Variants in TRPC6 observed in about 807,000 individuals in gnomAD.
TRPC6 encodes short transient receptor potential channel 6.
In TRPC6, 55 loss-of-function variants were observed where a neutral mutation model predicts 90.7. That is an observed-to-expected ratio of 0.61 (90% CI 0.49 to 0.76). The LOEUF (loss-of-function observed/expected upper bound fraction) is 0.76, where lower values mean the gene tolerates loss of function less well. Among genes scored for constraint, TRPC6 ranks in the 30% least tolerant of loss-of-function variants. The pLI is 0.00. For synonymous variants in TRPC6, 393 were observed against 393.0 expected, an observed-to-expected ratio of 1.00 and a Z score of 0.00; for missense variants, 989 against 1,122.7, an observed-to-expected ratio of 0.88 and a Z score of 1.70.
At chr11:101,505,276 T>C (rs915724635) in intron 1 of TRPC6, among the ~76,000 whole-genome samples, 4 of 152,166 alleles carry the variant, frequency 2.6e-5, no homozygotes, top group African/African-American at 9.7e-5. Context: ...AGAAGGCCAA[T>C]AGTGAAAAAA....
In TRPC6 at chr11:101,583,478, G is replaced by C. The variant is rs1862251447; in HGVS notation, c.26C>G (p.Pro9Arg). 6.6e-7 allele frequency: 1 copy of C among 1,513,184 alleles called. No homozygotes were observed. The highest frequency in any genetic ancestry group is 1.4e-5 in the African/African-American group (1 of 70,666). The allele number at this position is 1,513,184 out of a possible 1,614,324, so 93.7% of individuals were successfully genotyped here. A position where few individuals can be genotyped will look rare whatever the true frequency, so the allele number is the denominator to read the frequency against. The change falls in exon 1 of 13, where the codon CCC (proline) becomes CGC (arginine). Residue 9 changes from proline to arginine, a missense_variant. Physicochemically the swap from Pro to Arg is moderately radical, Grantham distance 103. Around this residue, in one of 4 missense-constraint regions of TRPC6, gnomAD observed 194 missense variants for 136.5 expected, o/e 1.42. Coordinates refer to ENST00000344327, the MANE Select transcript of TRPC6 (RefSeq NM_004621.6). Reference protein sequence around the residue: MSQSPAFGPRRGSSPRGAA... With the variant: MSQSPAFGRRRGSSPRGAA... The stretch of plus-strand genomic sequence containing the variant: ...GCCCCGGGGAGAACTGCCCCTCCGG[G>C]GCCCGAACGCCGGGCTCTGGCTCAT...
intron 5 of TRPC6, among the ~76,000 whole-genome samples, chr11:101,480,793 A>G (rs1281888855): frequency 6.6e-6 from 1 of 152,212 alleles, no homozygotes; most frequent in Non-Finnish European, 1.5e-5. Flanking sequence ...AAAATAAACT[A>G]TGAGACATGG....
At chr11:101,574,500 T>C (rs1457877375) in intron 1 of TRPC6, among the ~76,000 whole-genome samples, 1 of 151,308 alleles carries the variant, frequency 6.6e-6, no homozygotes, top group East Asian at 1.9e-4. Flanking sequence ...TTGGTTACCC[T>C]AAAATGGTGC....
intron 10 of TRPC6, among the ~76,000 whole-genome samples, chr11:101,464,238 G>A (rs1401229235): frequency 6.6e-6 from 1 of 152,210 alleles, no homozygotes; most frequent in Non-Finnish European, 1.5e-5. Flanking sequence ...TAGAATAAGT[G>A]CAATGTGGTG....
intron 1 of TRPC6, among the ~76,000 whole-genome samples, chr11:101,513,081 G>T (rs1860434664): frequency 1.3e-5 from 2 of 152,210 alleles, no homozygotes; most frequent in East Asian, 3.9e-4. Flanking sequence ...ACAGTTACCA[G>T]AACAGGATAA....
chr11:101,583,405 G>C lies in TRPC6; in HGVS notation c.99C>G (p.Leu33=), dbSNP rs755271013. 1 of 1,585,784 alleles carries C rather than the reference G, an allele frequency of 6.3e-7. No individual in the cohort carries two copies. The highest frequency in any genetic ancestry group is 2.3e-5 in the East Asian group (1 of 43,058). ...CGTCTTCTCCCAGCTCCGAGTCCAT[G>C]AGCAGATAGTCCTGGCTCTCGTTGC... The part of the protein sequence containing the change: ...ARRNESQDYL[L]MDSELGEDGC... The change falls in exon 1 of 13, where the codon CTC becomes CTG. Residue 33 remains leucine (L), a synonymous_variant. Transcript: ENST00000344327.
At chr11:101,511,049 A>G (rs1400265292) in intron 1 of TRPC6, among the ~76,000 whole-genome samples, 1 of 152,180 alleles carries the variant, frequency 6.6e-6, no homozygotes, top group Non-Finnish European at 1.5e-5. Flanking sequence ...ATGTAGATTC[A>G]TCCTAGGAAA....
At chr11:101,468,826 A>T (rs902361823) in intron 10 of TRPC6, among the ~76,000 whole-genome samples, 3 of 152,168 alleles carry the variant, frequency 2.0e-5, no homozygotes, top group Admixed American at 6.5e-5. Flanking sequence ...TACCTGATAC[A>T]TTGCCCTTTT....
At chr11:101,467,674 T>C (rs1859181651) in intron 10 of TRPC6, among the ~76,000 whole-genome samples, 1 of 152,236 alleles carries the variant, frequency 6.6e-6, no homozygotes, top group Non-Finnish European at 1.5e-5. Flanking sequence ...GGTAGGCTTC[T>C]TCTGTAAAGA....
intron 2 of TRPC6, 145 bp downstream of exon 2, chr11:101,503,875 ATGAT>A (rs1181252391): frequency 3.2e-5 from 32 of 994,720 alleles, no homozygotes; most frequent in Middle Eastern, 2.6e-4. Flanking sequence ...TTTTGCTACA[ATGAT>A]TATAATAAAG....
intron 4 of TRPC6, among the ~76,000 whole-genome samples, chr11:101,484,607 G>C (rs1330443044): frequency 1.0e-5 from 1 of 98,876 alleles, no homozygotes; most frequent in Non-Finnish European, 2.0e-5. Flanking sequence ...GTGTGTGTGT[G>C]TGTGTGTGTG....
At chr11:101,476,580 T>C (rs1354407000) in intron 5 of TRPC6, 46 bp from the exon 6 acceptor site, 2 of 1,520,530 alleles carry the variant, frequency 1.3e-6, no homozygotes, top group Admixed American at 3.3e-5. Flanking sequence ...GCATTCAGCC[T>C]TAGCTGTTCT....
chr11:101,515,721 T>C (rs1860501592), intron 1 of TRPC6, among the ~76,000 whole-genome samples: 1 of 152,192 alleles, frequency 6.6e-6, no homozygotes. Flanking sequence ...TTATCCACCC[T>C]AAGTAAAAAT....
chr11:101,496,654 T>C (rs958755764), intron 2 of TRPC6, among the ~76,000 whole-genome samples: 3 of 152,218 alleles, frequency 2.0e-5, no homozygotes, highest in Non-Finnish European at 4.4e-5. Context: ...GGTTAGCTTT[T>C]ACTCTTCCCT....
At chr11:101,550,948 C>A (rs1861436348) in intron 1 of TRPC6, among the ~76,000 whole-genome samples, 1 of 151,536 alleles carries the variant, frequency 6.6e-6, no homozygotes, top group African/African-American at 2.4e-5. Context: ...GTAAATTGAA[C>A]CATGTGATTG....
At chr11:101,453,804 C>G (rs1332667592) in intron 11 of TRPC6, 79 bp from the exon 12 acceptor site, 2 of 1,380,162 alleles carry the variant, frequency 1.4e-6, no homozygotes, top group Non-Finnish European at 2.1e-6. Flanking sequence ...GTTTCAGAGT[C>G]TTCCTCCCTG....
At chr11:101,485,280 T>G (rs868323470) in intron 4 of TRPC6, among the ~76,000 whole-genome samples, 1,524 of 68,570 alleles carry the variant, frequency 0.022, 30 homozygotes, top group African/African-American at 0.13. Flanking sequence ...GTATTTTTGT[T>G]TTTTTTTTTA....
rs1858772062 is a variant in TRPC6 at position 101,451,934 on chromosome 11, A to C, written c.*1021T>G. On this transcript the variant is annotated 3_prime_UTR_variant, in exon 13 of 13. Coordinates refer to ENST00000344327, the MANE Select transcript of TRPC6 (RefSeq NM_004621.6). ...ACAACAACAACCTCTTGGTAAATGCACATGAATGCAAATTCCTGTTTTATA... is the reference window on the plus strand; with the variant it reads ...ACAACAACAACCTCTTGGTAAATGCCCATGAATGCAAATTCCTGTTTTATA... 1 of 152,226 alleles carries C rather than the reference A, an allele frequency of 6.6e-6. No homozygotes were observed. The highest frequency in any genetic ancestry group is 1.5e-5 in the Non-Finnish European group (1 of 68,040). The allele number at this position is 152,226 out of a possible 1,614,324, so 9.4% of individuals were successfully genotyped here.
At chr11:101,495,625 AT>A in intron 2 of TRPC6, among the ~76,000 whole-genome samples, 1 of 147,146 alleles carries the variant, frequency 6.8e-6, no homozygotes, top group African/African-American at 2.5e-5. Context: ...TATTATTATT[AT>A]TATTATTATC....
Sources: gnomAD v4.1 joint callset for allele counts (sites outside exome capture counted in the v4.1 genomes callset) on GRCh38, gnomAD v4.1.1 for gene constraint, gnomAD v4.1.1 regional missense constraint, MANE v1.5 for transcripts, NCBI Gene and HGNC (gene_info 2026-07-23, HGNC 2026-07-21) for gene names.